Variants in NBAS observed in about 807,000 individuals in gnomAD.
NBAS encodes NAG/BC035112 fusion.
NBAS carries 219 observed loss-of-function variants against 302.5 expected under a neutral mutation model. That is an observed-to-expected ratio of 0.72 (90% CI 0.65 to 0.81). The LOEUF (loss-of-function observed/expected upper bound fraction) is 0.81. Ranked by LOEUF, NBAS falls within the 30% of genes least tolerant of loss-of-function variation. The pLI is 0.00. For synonymous variants in NBAS, 1,118 were observed against 1,021.6 expected (o/e 1.09, Z -1.80); for missense variants, 2,932 against 2,841.6 (o/e 1.03, Z -0.72).
At chr2:15,452,506 T>C (rs545220827) in intron 21 of NBAS, among the ~76,000 whole-genome samples, 2 of 150,460 alleles carry the variant, frequency 1.3e-5, no homozygotes, top group African/African-American at 4.9e-5. Context: ...GAGAATGGCA[T>C]GAACCCAGGA....
the NBAS span, among the ~76,000 whole-genome samples, chr2:14,917,307 G>A: frequency 6.6e-6 from 1 of 152,150 alleles, no homozygotes; most frequent in Non-Finnish European, 1.5e-5. Context: ...TCTTCAAAGG[G>A]TTTTGGACTG....
At chr2:15,554,919 A>G (rs1365935826) in intron 3 of NBAS, among the ~76,000 whole-genome samples, 1 of 152,188 alleles carries the variant, frequency 6.6e-6, no homozygotes, top group Non-Finnish European at 1.5e-5. Context: ...AAATAAAACC[A>G]TTCACAAAAG....
intron 44 of NBAS, among the ~76,000 whole-genome samples, chr2:15,261,859 G>A (rs1487146348): frequency 6.6e-6 from 1 of 152,172 alleles, no homozygotes; most frequent in African/African-American, 2.4e-5. Context: ...TTACATGCTT[G>A]TAGTGGTATA....
At chr2:15,473,173 T>C (rs1227622566) in intron 16 of NBAS, 49 bp downstream of exon 16, 15 of 1,597,210 alleles carry the variant, frequency 9.4e-6, no homozygotes, top group Non-Finnish European at 1.2e-5. Context: ...AAACAAAAGA[T>C]ATTACATGAA....
chr2:14,786,206 C>T, the NBAS span, among the ~76,000 whole-genome samples: 1 of 151,970 alleles, frequency 6.6e-6, no homozygotes, highest in Non-Finnish European at 1.5e-5. Flanking sequence ...TTTGATTCTT[C>T]TCTCTTTTCT....
chr2:15,534,678 T>A, intron 8 of NBAS, 37 bp from the exon 9 acceptor site: 1 of 1,379,970 alleles, frequency 7.2e-7, no homozygotes, highest in Non-Finnish European at 1.0e-6. Context: ...TAAATACCAT[T>A]AAACCACAAT....
At chr2:14,950,818 C>A in the NBAS span, among the ~76,000 whole-genome samples, 2 of 152,180 alleles carry the variant, frequency 1.3e-5, no homozygotes, top group Non-Finnish European at 2.9e-5. Flanking sequence ...TAATTACTAT[C>A]CTGGTAAATA....
At chr2:15,516,115 G>C (rs1662379716) in intron 9 of NBAS, among the ~76,000 whole-genome samples, 1 of 152,184 alleles carries the variant, frequency 6.6e-6, no homozygotes, top group Non-Finnish European at 1.5e-5. Flanking sequence ...GCTTGTGAGA[G>C]TTACATGAAT....
the NBAS span, among the ~76,000 whole-genome samples, chr2:14,980,691 A>G: frequency 6.6e-6 from 1 of 152,192 alleles, no homozygotes; most frequent in East Asian, 1.9e-4. Context: ...ACTAGATATG[A>G]AAAATGGACT....
chr2:15,360,418 A>G (rs559840317), intron 32 of NBAS, among the ~76,000 whole-genome samples: 30 of 151,066 alleles, frequency 2.0e-4, no homozygotes, highest in African/African-American at 7.3e-4. Flanking sequence ...TACATAACTC[A>G]CTGTAACCTC....
In NBAS at chr2:15,403,995, C is replaced by T. The variant is rs966677232; in HGVS notation, c.2938-1694G>A. ...GCCTCAAGTGATCCTCCTGCCTCGACTTCCCAAAGTGCTGGGATTACAGGC... is the reference window on the plus strand; with the variant it reads ...GCCTCAAGTGATCCTCCTGCCTCGATTTCCCAAAGTGCTGGGATTACAGGC... On this transcript the variant is annotated intron_variant, in intron 25 of 51. Transcript: ENST00000281513. Among the ~76,000 whole-genome samples the T allele has an allele frequency of 4.6e-5, 7 of 151,408 alleles. No individual in the cohort carries two copies. In the South Asian group the frequency reaches 1.3e-3, roughly 27 times the overall value.
the NBAS span, among the ~76,000 whole-genome samples, chr2:15,077,753 A>G: frequency 6.7e-6 from 1 of 150,072 alleles, no homozygotes; most frequent in Non-Finnish European, 1.5e-5. Flanking sequence ...GCACAATCTC[A>G]GCTCACTGCA....
chr2:15,328,415 G>A, intron 36 of NBAS, 103 bp from the exon 37 acceptor site: 1 of 988,942 alleles, frequency 1.0e-6, no homozygotes, highest in Non-Finnish European at 1.6e-6. Flanking sequence ...AGGAAGAAAA[G>A]GCTGATTTCA....
intron 32 of NBAS, among the ~76,000 whole-genome samples, chr2:15,358,753 T>A (rs189841599): frequency 1.3e-5 from 2 of 152,288 alleles, no homozygotes; most frequent in East Asian, 1.9e-4. Flanking sequence ...CTTGTGTTCA[T>A]TTTTATTAGG....
the NBAS span, among the ~76,000 whole-genome samples, chr2:15,146,237 G>C: frequency 6.6e-6 from 1 of 152,092 alleles, no homozygotes; most frequent in African/African-American, 2.4e-5. Context: ...CTATTTCATA[G>C]AGTTGTGGTA....
chr2:15,084,831 T>G, the NBAS span, among the ~76,000 whole-genome samples: 2 of 152,210 alleles, frequency 1.3e-5, no homozygotes, highest in Non-Finnish European at 1.5e-5. Flanking sequence ...GCAAAACAAA[T>G]TATCCTCGAA....
intron 12 of NBAS, among the ~76,000 whole-genome samples, chr2:15,488,596 A>G (rs1425401686): frequency 1.3e-5 from 2 of 152,188 alleles, no homozygotes; most frequent in Non-Finnish European, 2.9e-5. Flanking sequence ...TGAAATGTTA[A>G]CATCTCCATT....
intron 4 of NBAS, among the ~76,000 whole-genome samples, chr2:15,553,779 T>C (rs928074827): frequency 9.6e-6 from 1 of 103,998 alleles, no homozygotes; most frequent in African/African-American, 3.8e-5. Flanking sequence ...CCTCCCTCTT[T>C]CTCTCTCTCC....
the NBAS span, among the ~76,000 whole-genome samples, chr2:14,854,183 G>T: frequency 6.6e-6 from 1 of 151,780 alleles, no homozygotes; most frequent in African/African-American, 2.4e-5. Context: ...AGCAAATGCA[G>T]TACTAAGAGG....
Sources: gnomAD v4.1 joint callset for allele counts (sites outside exome capture counted in the v4.1 genomes callset) on GRCh38, gnomAD v4.1.1 for gene constraint, MANE v1.5 for transcripts, NCBI Gene and HGNC (gene_info 2026-07-23, HGNC 2026-07-21) for gene names.